BORCS5: variants seen among roughly 807,000 people sequenced by gnomAD.
BORCS5 encodes the protein BLOC-1 related complex subunit 5.
BORCS5 carries 17 observed loss-of-function variants against 22.1 expected under a neutral mutation model. The ratio of observed to expected loss-of-function variants is 0.77; its 90% confidence interval spans 0.53 to 1.15. The LOEUF (loss-of-function observed/expected upper bound fraction) is 1.15. BORCS5 is among the 50% of genes most tolerant of loss of function. The pLI is 0.00. For missense variants in BORCS5, 247 were observed against 253.2 expected, an observed-to-expected ratio of 0.98 and a Z score of 0.17; for synonymous variants, 117 against 99.8, an observed-to-expected ratio of 1.17 and a Z score of -1.03.
At position 12,470,033 on chromosome 12, in the gene BORCS5, G is replaced by C. The variant is rs1165681145; in HGVS notation, c.*4257G>C. ...GTGTGAGGAAGTGTGCTGCACAGCA[G>C]GAGGTGAGCGGCGGATGAGCAGGTG... On this transcript the variant is annotated 3_prime_UTR_variant, in exon 4 of 4. Transcript: ENST00000314565. Among the ~76,000 whole-genome samples the C allele has an allele frequency of 1.3e-5, 2 of 152,178 alleles. No individual in the cohort carries two copies. The highest frequency in any genetic ancestry group is 3.9e-4 in the East Asian group (2 of 5,188).
Position 12,357,388 on chromosome 12 carries a change from C to T in BORCS5, c.-64C>T, listed in dbSNP as rs1475805268. On this transcript the variant is annotated 5_prime_UTR_variant, in exon 1 of 4. Coordinates refer to ENST00000314565, the MANE Select transcript of BORCS5 (RefSeq NM_058169.6). ...TCCCGGTCCCTGGCCCCTGCCCTGT[C>T]GCCCGCCGCCGGAGCGGTGACCGCC... is the stretch of plus-strand genomic sequence containing the variant. 3 of 1,574,650 alleles carry T rather than the reference C, an allele frequency of 1.9e-6. No individual in the cohort carries two copies. Among genetic ancestry groups the T allele is most frequent in the East Asian group, 2.3e-5 (1 of 43,600 alleles).
intron 3 of BORCS5, among the ~76,000 whole-genome samples, chr12:12,462,290 C>T (rs1323749538): frequency 6.6e-6 from 1 of 152,214 alleles, no homozygotes; most frequent in Non-Finnish European, 1.5e-5. Context: ...CACTACCTTG[C>T]AGATGAGGAA....
At chr12:12,452,056 G>C in intron 3 of BORCS5, 1 of 410,436 alleles carries the variant, frequency 2.4e-6, no homozygotes, top group Non-Finnish European at 4.7e-6. Context: ...GTAAACTTAC[G>C]TGACTTTCCC....
chr12:12,398,225 G>A (rs80115347), intron 2 of BORCS5, among the ~76,000 whole-genome samples: 2,673 of 152,160 alleles, frequency 0.018, 72 homozygotes, highest in African/African-American at 0.06. Context: ...AAGTTCTTGC[G>A]GGACATCACT....
chr12:12,423,602 C>G (rs750201387), intron 2 of BORCS5, among the ~76,000 whole-genome samples: 1 of 151,134 alleles, frequency 6.6e-6, no homozygotes, highest in Non-Finnish European at 1.5e-5. Flanking sequence ...CCCTAGGTTT[C>G]TGATGAGAAA....
chr12:12,456,473 C>A lies in BORCS5; in HGVS notation c.361-9073C>A, dbSNP rs150444585. ...TGACATCTTTCATAGGATGACCCAT[C>A]TGCCTCAAACCAGCATCAAAGCTTA... On this transcript the variant is annotated intron_variant, in intron 3 of 3. Transcript: ENST00000314565. 2.1e-4 allele frequency among the ~76,000 whole-genome samples: 32 copies of A among 152,332 alleles called. No individual in the cohort carries two copies. The East Asian group carries it at 5.8e-3, about 28-fold the overall frequency.
At chr12:12,405,092 T>G (rs1170147549) in intron 2 of BORCS5, among the ~76,000 whole-genome samples, 2 of 152,164 alleles carry the variant, frequency 1.3e-5, no homozygotes, top group Non-Finnish European at 2.9e-5. Flanking sequence ...AGCAGGAATG[T>G]CAACAATAAT....
intron 2 of BORCS5, among the ~76,000 whole-genome samples, chr12:12,412,477 A>G (rs2136087670): frequency 6.6e-6 from 1 of 152,252 alleles, no homozygotes; most frequent in Non-Finnish European, 1.5e-5. Context: ...GTATCCTGCC[A>G]CTTTGGTGAA....
At chr12:12,410,259 T>C (rs865869092) in intron 2 of BORCS5, among the ~76,000 whole-genome samples, 5 of 152,302 alleles carry the variant, frequency 3.3e-5, no homozygotes, top group African/African-American at 1.2e-4. Flanking sequence ...TTTTGGCTTT[T>C]GTTGCCATTG....
chr12:12,419,271 A>G (rs962473025), intron 2 of BORCS5, among the ~76,000 whole-genome samples: 1 of 152,090 alleles, frequency 6.6e-6, no homozygotes, highest in African/African-American at 2.4e-5. Flanking sequence ...TTCAGTTCCT[A>G]CCTATGAGTG....
chr12:12,368,812 G>A (rs1468773847), intron 2 of BORCS5, among the ~76,000 whole-genome samples: 2 of 151,846 alleles, frequency 1.3e-5, no homozygotes, highest in Non-Finnish European at 2.9e-5. Flanking sequence ...TTTAAATTCA[G>A]CGTATTCCAT....
chr12:12,405,051 T>G (rs2136077774), intron 2 of BORCS5, among the ~76,000 whole-genome samples: 1 of 152,298 alleles, frequency 6.6e-6, no homozygotes, highest in East Asian at 1.9e-4. Context: ...CTTTTTCCCT[T>G]AAGGACCTTA....
intron 2 of BORCS5, among the ~76,000 whole-genome samples, chr12:12,384,735 T>C (rs1327657972): frequency 6.6e-6 from 1 of 151,258 alleles, no homozygotes; most frequent in East Asian, 1.9e-4. Flanking sequence ...CTTTATTATC[T>C]CTCAGATTTC....
intron 2 of BORCS5, among the ~76,000 whole-genome samples, chr12:12,405,902 T>G (rs1941584834): frequency 6.6e-6 from 1 of 152,242 alleles, no homozygotes; most frequent in African/African-American, 2.4e-5. Context: ...GCTCACAGAA[T>G]CAGCAGAAGA....
chr12:12,373,126 T>C (rs1478461235), intron 2 of BORCS5, among the ~76,000 whole-genome samples: 3 of 152,142 alleles, frequency 2.0e-5, no homozygotes, highest in African/African-American at 7.2e-5. Context: ...GTCACGCCCT[T>C]ACAAGAAGAG....
chr12:12,420,346 A>C (rs1168481045), intron 2 of BORCS5, among the ~76,000 whole-genome samples: 4 of 152,242 alleles, frequency 2.6e-5, no homozygotes, highest in African/African-American at 9.6e-5. Context: ...GTCAAAAATC[A>C]GATGGTTGTA....
Position 12,460,659 on chromosome 12 carries a change from C to G in BORCS5, c.361-4887C>G, listed in dbSNP as rs542345708. Among the ~76,000 whole-genome samples the G allele has an allele frequency of 5.3e-5, 8 of 152,318 alleles. No individual in the cohort carries two copies. In the South Asian group the frequency reaches 1.7e-3, roughly 32 times the overall value. On this transcript the variant is annotated intron_variant, in intron 3 of 3. Transcript: ENST00000314565. ...TTTATCAGGTTGAGGAAGTTTCCTT[C>G]TGTTCCTACTTTGCTGAAAATTTCC...
chr12:12,374,352 G>T (rs1318538504), intron 2 of BORCS5, among the ~76,000 whole-genome samples: 2 of 151,902 alleles, frequency 1.3e-5, no homozygotes, highest in Admixed American at 1.3e-4. Flanking sequence ...AAAGATGCTG[G>T]CCAGTCACAG....
At chr12:12,465,199 C>T (rs1301931659) in intron 3 of BORCS5, among the ~76,000 whole-genome samples, 2 of 152,194 alleles carry the variant, frequency 1.3e-5, no homozygotes, top group African/African-American at 4.8e-5. Flanking sequence ...GCAGCTCATA[C>T]ACGTGACAGA....
Sources: gnomAD v4.1 joint callset for allele counts (sites outside exome capture counted in the v4.1 genomes callset) on GRCh38, gnomAD v4.1.1 for gene constraint, MANE v1.5 for transcripts, NCBI Gene and HGNC (gene_info 2026-07-23, HGNC 2026-07-21) for gene names.